Variants in CSMD3 observed in about 807,000 individuals in gnomAD.
CSMD3 encodes the protein CUB and Sushi multiple domains 3.
CSMD3 carries 177 observed loss-of-function variants against 435.2 expected under a neutral mutation model. The observed-to-expected ratio is 0.41, with a 90% CI of 0.36 to 0.46. The LOEUF is 0.46. CSMD3 is among the 20% of genes least tolerant of loss of function. The pLI, the probability that CSMD3 is intolerant of heterozygous loss-of-function variation, is 0.34. For synonymous variants in CSMD3, 1,656 were observed against 1,520.5 expected, an observed-to-expected ratio of 1.09 and a Z score of -2.07; for missense variants, 4,265 against 4,504.6, an observed-to-expected ratio of 0.95 and a Z score of 1.52.
At chr8:112,556,181 C>T (rs1275248532) in intron 25 of CSMD3, among the ~76,000 whole-genome samples, 1 of 151,844 alleles carries the variant, frequency 6.6e-6, no homozygotes, top group Non-Finnish European at 1.5e-5. Flanking sequence ...CCCACCTACC[C>T]ATCTATGCAT....
At chr8:112,808,241 G>A (rs534986105) in intron 12 of CSMD3, among the ~76,000 whole-genome samples, 6 of 152,108 alleles carry the variant, frequency 3.9e-5, no homozygotes, top group African/African-American at 1.4e-4. Flanking sequence ...AAGTCTTTCC[G>A]TCTTTAAATG....
intron 10 of CSMD3, 119 bp from the exon 11 acceptor site, chr8:112,859,385 A>G: frequency 1.2e-6 from 1 of 846,260 alleles, no homozygotes; most frequent in South Asian, 1.4e-5. Context: ...ACATTGAAAT[A>G]TATATTATGG....
intron 4 of CSMD3, among the ~76,000 whole-genome samples, chr8:113,146,650 T>C (rs1462365404): frequency 2.6e-5 from 4 of 151,456 alleles, no homozygotes; most frequent in Non-Finnish European, 5.9e-5. Flanking sequence ...AATGAACAAA[T>C]TTGAGTGGGT....
intron 22 of CSMD3, among the ~76,000 whole-genome samples, chr8:112,631,721 C>T (rs2074520738): frequency 6.6e-6 from 1 of 151,876 alleles, no homozygotes; most frequent in Non-Finnish European, 1.5e-5. Context: ...GAAATCAATG[C>T]ATTCAGTCCT....
At chr8:113,202,224 A>G (rs78330625) in intron 3 of CSMD3, among the ~76,000 whole-genome samples, 3 of 152,236 alleles carry the variant, frequency 2.0e-5, no homozygotes, top group African/African-American at 4.8e-5. Flanking sequence ...ATTATATAGC[A>G]GCTCTTGGAA....
At chr8:112,514,491 C>G (rs932239084) in intron 28 of CSMD3, among the ~76,000 whole-genome samples, 14 of 152,094 alleles carry the variant, frequency 9.2e-5, no homozygotes, top group South Asian at 2.1e-4. Flanking sequence ...CTATTGATAA[C>G]TATTTTAAAA....
chr8:113,008,090 A>T (rs963610229), intron 6 of CSMD3, among the ~76,000 whole-genome samples: 1 of 151,820 alleles, frequency 6.6e-6, no homozygotes, highest in Non-Finnish European at 1.5e-5. Context: ...AAAAAGAAAA[A>T]AAAAAGAGAA....
chr8:112,386,066 G>T (rs1202481122), intron 36 of CSMD3, among the ~76,000 whole-genome samples: 1 of 152,184 alleles, frequency 6.6e-6, no homozygotes, highest in Non-Finnish European at 1.5e-5. Flanking sequence ...AGAAATTGGA[G>T]TGATGTGGCC....
chr8:112,468,728 A>G (rs886455986), intron 32 of CSMD3, among the ~76,000 whole-genome samples: 1 of 152,176 alleles, frequency 6.6e-6, no homozygotes, highest in Non-Finnish European at 1.5e-5. Flanking sequence ...AAAAATGAAG[A>G]AAAATTAAAT....
intron 12 of CSMD3, among the ~76,000 whole-genome samples, chr8:112,801,802 T>C (rs1050116741): frequency 1.3e-5 from 2 of 152,002 alleles, no homozygotes; most frequent in Non-Finnish European, 2.9e-5. Flanking sequence ...TAAACGGGAA[T>C]GAGAGCTTAT....
chr8:112,289,319 A>G (rs1861755), intron 57 of CSMD3, 46 bp downstream of exon 57: 346,862 of 1,492,418 alleles, frequency 0.23, 42,915 homozygotes, highest in East Asian at 0.39. Context: ...TACTACTAAC[A>G]ATAATGTAAT....
intron 45 of CSMD3, among the ~76,000 whole-genome samples, chr8:112,331,426 C>T (rs539087356): frequency 1.6e-4 from 24 of 152,018 alleles, no homozygotes; most frequent in African/African-American, 5.5e-4. Context: ...TTTTTCATTG[C>T]AGAGAGCTTT....
intron 59 of CSMD3, among the ~76,000 whole-genome samples, chr8:112,269,257 C>T (rs574542712): frequency 3.3e-5 from 5 of 152,246 alleles, no homozygotes; most frequent in African/African-American, 7.2e-5. Flanking sequence ...AGAAAAACAT[C>T]TTTGAGAATT....
At chr8:112,325,304 C>A (rs1269333883) in intron 45 of CSMD3, among the ~76,000 whole-genome samples, 1 of 152,010 alleles carries the variant, frequency 6.6e-6, no homozygotes, top group Admixed American at 6.6e-5. Flanking sequence ...GTATAATTTT[C>A]TTTTGTCTTT....
At chr8:112,642,354 A>C (rs2074854815) in intron 20 of CSMD3, among the ~76,000 whole-genome samples, 1 of 152,102 alleles carries the variant, frequency 6.6e-6, no homozygotes, top group Non-Finnish European at 1.5e-5. Flanking sequence ...TTTAAGGAAA[A>C]TCTCTCATGG....
intron 5 of CSMD3, among the ~76,000 whole-genome samples, chr8:113,074,899 T>G (rs1282821398): frequency 6.6e-6 from 1 of 151,762 alleles, no homozygotes; most frequent in African/African-American, 2.4e-5. Context: ...TCCAGGAGAA[T>G]AAAAAATAAA....
chr8:113,064,322 T>C (rs556350124), intron 5 of CSMD3, among the ~76,000 whole-genome samples: 1 of 152,088 alleles, frequency 6.6e-6, no homozygotes, highest in African/African-American at 2.4e-5. Context: ...TAAGTACCCA[T>C]TTGGCCCCAT....
intron 30 of CSMD3, among the ~76,000 whole-genome samples, chr8:112,494,925 C>CAT (rs1032716976): frequency 3.5e-4 from 53 of 152,182 alleles, no homozygotes; most frequent in African/African-American, 1.2e-3. Context: ...CCCAAGCACA[C>CAT]ATATACACAC....
chr8:112,957,607 C>T (rs1443725871), intron 7 of CSMD3, among the ~76,000 whole-genome samples: 1 of 151,802 alleles, frequency 6.6e-6, no homozygotes, highest in African/African-American at 2.4e-5. Flanking sequence ...GCGTGTGACA[C>T]ACGCGGCTAA....
Sources: allele counts gnomAD v4.1 joint callset (sites outside exome capture counted in the v4.1 genomes callset), GRCh38; gene constraint gnomAD v4.1.1; transcripts MANE v1.5; gene names NCBI Gene and HGNC (gene_info 2026-07-23, HGNC 2026-07-21).